Variants in B3GALNT2 observed in about 807,000 individuals in gnomAD.
B3GALNT2 encodes the protein beta-1,3-N-acetylgalactosaminyltransferase 2.
Under a neutral mutation model 61.1 loss-of-function variants are expected in B3GALNT2, and 53 were observed. That is an observed-to-expected ratio of 0.87 (90% CI 0.70 to 1.09). B3GALNT2 has a LOEUF of 1.09. Ranked by LOEUF, B3GALNT2 falls within the 50% of genes least tolerant of loss-of-function variation. The pLI is 0.00. For synonymous variants in B3GALNT2, 223 were observed against 237.4 expected, an observed-to-expected ratio of 0.94 and a Z score of 0.56; for missense variants, 544 against 623.0, an observed-to-expected ratio of 0.87 and a Z score of 1.35.
rs1201664607 is a variant in B3GALNT2 at position 235,448,727 on chromosome 1, G to GTGGAAAA, written c.*1472_*1478dup. The GTGGAAAA allele has an allele frequency of 6.2e-7, 1 of 1,613,940 alleles. No homozygotes were observed. Among genetic ancestry groups the GTGGAAAA allele is most frequent in the African/African-American group, 1.3e-5 (1 of 74,906 alleles). On this transcript the variant is annotated 3_prime_UTR_variant, in exon 12 of 12. Transcript: ENST00000366600. ...CCTAAAGTCATTACAGTTTTATTCT[G>GTGGAAAA]TGGAAAATGGAGATTGTCTATTAGT...
chr1:235,485,187 T>G (rs1684745049), intron 3 of B3GALNT2, among the ~76,000 whole-genome samples: 1 of 152,192 alleles, frequency 6.6e-6, no homozygotes, highest in Non-Finnish European at 1.5e-5. Context: ...GGCCCAAAAT[T>G]AAGCAATTCA....
At chr1:235,501,754 A>C (rs539683729) in intron 1 of B3GALNT2, among the ~76,000 whole-genome samples, 1 of 152,304 alleles carries the variant, frequency 6.6e-6, no homozygotes, top group Non-Finnish European at 1.5e-5. Flanking sequence ...AAAGCAGCAG[A>C]AGAGAAAAAA....
Position 235,480,047 on chromosome 1 carries a change from C to T in B3GALNT2, c.651+7G>A. 1 of 1,613,748 alleles carries T rather than the reference C, an allele frequency of 6.2e-7. No homozygotes were observed. The highest frequency in any genetic ancestry group is 1.1e-5 in the South Asian group (1 of 91,054). On this transcript the variant is annotated splice_region_variant and intron_variant, in intron 5 of 11. Transcript: ENST00000366600. ...TGGTACTACAGTCTTTTCCTGCCAT[C>T]CTGTACCTCTGGTAAGATGAATTGT...
At chr1:235,445,822 A>C (rs1157851880), downstream of B3GALNT2, among the ~76,000 whole-genome samples, 4 of 152,270 alleles carry the variant, frequency 2.6e-5, no homozygotes, top group East Asian at 7.7e-4. Flanking sequence ...AGCATTTGTA[A>C]TGGTAAAGAT....
rs202244855 is a variant in B3GALNT2 at position 235,448,657 on chromosome 1, G to C, written c.*1549C>G. On this transcript the variant is annotated 3_prime_UTR_variant, in exon 12 of 12. Transcript: ENST00000366600. ...CTTAATCACATCCTTCCCCACCTTC[G>C]TTCTAATTTTAGAAGCCGGGCAGAG... 4 of 1,608,744 alleles carry C rather than the reference G, an allele frequency of 2.5e-6. No individual in the cohort carries two copies. In the African/African-American group the frequency reaches 4.0e-5, roughly 16 times the overall value.
chr1:235,487,916 G>A (rs1047677753), intron 3 of B3GALNT2, among the ~76,000 whole-genome samples: 3 of 151,932 alleles, frequency 2.0e-5, no homozygotes, highest in Admixed American at 6.6e-5. Context: ...AGCCTCCCAA[G>A]CAGCTGGAAC....
chr1:235,498,152 A>G (rs1234483328), intron 1 of B3GALNT2, among the ~76,000 whole-genome samples: 1 of 152,234 alleles, frequency 6.6e-6, no homozygotes, highest in African/African-American at 2.4e-5. Flanking sequence ...ACTGTGTTAC[A>G]CAGTACAAAA....
At chr1:235,442,111 C>T in the B3GALNT2 span, among the ~76,000 whole-genome samples, 52 of 151,294 alleles carry the variant, frequency 3.4e-4, no homozygotes, top group African/African-American at 1.1e-3. Flanking sequence ...AGGTTCTAAG[C>T]GATTCTCCTG....
intron 10 of B3GALNT2, 141 bp from the exon 11 acceptor site, chr1:235,453,287 G>T: frequency 2.5e-6 from 2 of 798,582 alleles, no homozygotes; most frequent in Non-Finnish European, 4.0e-6. Flanking sequence ...AGCAAAAATG[G>T]GTTCACATGA....
chr1:235,448,845 T>C lies in B3GALNT2; in HGVS notation c.*1361A>G, dbSNP rs2102958872. On this transcript the variant is annotated 3_prime_UTR_variant, in exon 12 of 12. Transcript: ENST00000366600. ...AATAAATGATTCACTGGAACAATTC[T>C]ACTGTCAAAACAAAGGGGGTTTACA... is the stretch of plus-strand genomic sequence containing the variant. The C allele has an allele frequency of 1.9e-6, 2 of 1,056,262 alleles. No individual in the cohort carries two copies. Among genetic ancestry groups the C allele is most frequent in the East Asian group, 2.4e-5 (1 of 41,060 alleles). The allele number at this position is 1,056,262 out of a possible 1,614,324, so 65.4% of individuals were successfully genotyped here.
At chr1:235,501,489 A>G (rs1685579325) in intron 1 of B3GALNT2, among the ~76,000 whole-genome samples, 1 of 152,086 alleles carries the variant, frequency 6.6e-6, no homozygotes, top group Non-Finnish European at 1.5e-5. Flanking sequence ...ACTTATCACT[A>G]CCGCTGTGAT....
At chr1:235,445,776 A>G (rs1221787282), downstream of B3GALNT2, among the ~76,000 whole-genome samples, 1 of 152,224 alleles carries the variant, frequency 6.6e-6, no homozygotes, top group Non-Finnish European at 1.5e-5. Flanking sequence ...AAAAGTTAAA[A>G]ATACACATAT....
chr1:235,457,131 T>TA (rs1483882646), intron 8 of B3GALNT2, among the ~76,000 whole-genome samples: 1 of 151,642 alleles, frequency 6.6e-6, no homozygotes, highest in Non-Finnish European at 1.5e-5. Context: ...AATAAATAAA[T>TA]AAATAAATAA....
In B3GALNT2 at chr1:235,474,972, TATA is replaced by T. The variant is rs1328987325; in HGVS notation, c.652-4015_652-4013del. ...AGACATATATATATATATATATATA[TATA>T]TATATATATATATTTTTTTTTTTTT... On this transcript the variant is annotated intron_variant, in intron 5 of 11. Coordinates refer to ENST00000366600, the MANE Select transcript of B3GALNT2 (RefSeq NM_152490.5). 4.2e-3 allele frequency among the ~76,000 whole-genome samples: 171 copies of T among 40,280 alleles called. 34 individuals carry two copies. Among genetic ancestry groups the T allele is most frequent in the East Asian group, 0.036 (41 of 1,154 alleles). 26.4% of individuals were successfully genotyped at this position (40,280 alleles called of 152,430 possible). A position where few individuals can be genotyped will look rare whatever the true frequency, so the allele number is the denominator to read the frequency against.
Position 235,454,201 on chromosome 1 carries a change from G to C in B3GALNT2, c.1266C>G (p.Ile422Met). The change falls in exon 10 of 12, where the codon ATC (isoleucine) becomes ATG (methionine). Residue 422 changes from isoleucine (I) to methionine (M), a missense_variant. By Grantham distance (10) the Ile-to-Met change is conservative. Transcript: ENST00000366600. ...CGSGYVISKD[I>M]VKWLASNSGR... Reference sequence around the variant, plus strand: ...CCGAGTTGCTTGCCAGCCACTTGACGATGTCCTTGGAGATCACATATCCTG... The same window carrying C: ...CCGAGTTGCTTGCCAGCCACTTGACCATGTCCTTGGAGATCACATATCCTG... 1 of 1,612,614 alleles carries C rather than the reference G, an allele frequency of 6.2e-7. No individual in the cohort carries two copies. The highest frequency in any genetic ancestry group is 8.5e-7 in the Non-Finnish European group (1 of 1,179,336).
chr1:235,491,640 C>T (rs1352566632), intron 2 of B3GALNT2, among the ~76,000 whole-genome samples: 1 of 152,096 alleles, frequency 6.6e-6, no homozygotes, highest in Non-Finnish European at 1.5e-5. Flanking sequence ...CTAGCCTCCT[C>T]CTCCATTTTC....
intron 1 of B3GALNT2, chr1:235,496,247 G>A: frequency 3.3e-6 from 1 of 306,140 alleles, no homozygotes; most frequent in Non-Finnish European, 5.8e-6. Context: ...GGAGGTGGAG[G>A]TTGGGGTGAG....
downstream of B3GALNT2, among the ~76,000 whole-genome samples, chr1:235,446,493 TTA>T (rs1285850826): frequency 4.6e-5 from 7 of 151,984 alleles, no homozygotes; most frequent in Non-Finnish European, 8.8e-5. Context: ...CTATACATCC[TTA>T]TATGAACACA....
At chr1:235,481,453 C>T (rs1684561488) in intron 4 of B3GALNT2, among the ~76,000 whole-genome samples, 1 of 152,132 alleles carries the variant, frequency 6.6e-6, no homozygotes, top group Admixed American at 6.5e-5. Flanking sequence ...AAGTGATCCT[C>T]CCACCTCAAC....
Sources: gnomAD v4.1 joint callset for allele counts (sites outside exome capture counted in the v4.1 genomes callset) on GRCh38, gnomAD v4.1.1 for gene constraint, MANE v1.5 for transcripts, NCBI Gene and HGNC (gene_info 2026-07-23, HGNC 2026-07-21) for gene names.